Variants in ADAM20 observed in about 807,000 individuals in gnomAD.
ADAM20 encodes the protein ADAM metallopeptidase domain 20, also known as disintegrin and metalloproteinase domain-containing protein 20.
For missense variants in ADAM20, 871 were observed against 883.2 expected (o/e 0.99, Z 0.18); for synonymous variants, 305 against 310.2 (o/e 0.98, Z 0.18).
the ADAM20 span, among the ~76,000 whole-genome samples, chr14:70,571,507 G>T: frequency 6.6e-6 from 1 of 152,140 alleles, no homozygotes; most frequent in Non-Finnish European, 1.5e-5. Flanking sequence ...GCTGAACTGT[G>T]AGTCAATTAA....
chr14:70,554,984 C>A, the ADAM20 span, among the ~76,000 whole-genome samples: 2 of 152,134 alleles, frequency 1.3e-5, no homozygotes, highest in Admixed American at 1.3e-4. Context: ...CTAGAATATT[C>A]CATTGGTTGC....
At position 70,524,897 on chromosome 14, in the gene ADAM20, A is replaced by T; in HGVS notation, c.-140T>A. ...GATCTGGGGATCTGTGTCCTGGTGG[A>T]GCTGGACCATCAGAGCTGCAGTGCT... On this transcript the variant is annotated 5_prime_UTR_variant, in exon 2 of 2. Transcript: ENST00000256389. The T allele has an allele frequency of 6.2e-7, 1 of 1,608,468 alleles. No homozygotes were observed. The highest frequency in any genetic ancestry group is 8.5e-7 in the Non-Finnish European group (1 of 1,177,484).
rs528756173 is a variant in ADAM20, at chr14:70,529,923, ACTT to A, written c.-177+4871_-177+4873del. 1.7e-4 allele frequency among the ~76,000 whole-genome samples: 26 copies of A among 152,324 alleles called. 1 individual carries two copies. The highest frequency in any genetic ancestry group is 5.5e-4 in the African/African-American group (23 of 41,588). Reference sequence around the variant, plus strand: ...TACTTTATATACTTTTAATTTTTCAACTTCTTGACTGTTTTGTAATAACACTTA... The same window carrying A: ...TACTTTATATACTTTTAATTTTTCAACTTGACTGTTTTGTAATAACACTTA... On this transcript the variant is annotated intron_variant, in intron 1 of 1. Coordinates refer to ENST00000256389, the MANE Select transcript of ADAM20 (RefSeq NM_003814.5).
chr14:70,534,440 CA>C (rs1452563122), intron 1 of ADAM20, among the ~76,000 whole-genome samples: 1 of 151,622 alleles, frequency 6.6e-6, no homozygotes, highest in East Asian at 1.9e-4. Context: ...TTACAATAAC[CA>C]AAAGGTGGAA....
chr14:70,553,041 C>A, the ADAM20 span, among the ~76,000 whole-genome samples: 1 of 34,652 alleles, frequency 2.9e-5, no homozygotes, highest in African/African-American at 1.2e-4. Context: ...CCATCATTCT[C>A]AGTAAACTAT....
intron 1 of ADAM20, among the ~76,000 whole-genome samples, chr14:70,528,470 GATTAT>G (rs1176982799): frequency 2.6e-5 from 4 of 152,056 alleles, no homozygotes; most frequent in Non-Finnish European, 5.9e-5. Flanking sequence ...TTCTTTTCAT[GATTAT>G]ATTAATCACT....
At chr14:70,532,231 A>G (rs7150080) in intron 1 of ADAM20, among the ~76,000 whole-genome samples, 5,234 of 152,206 alleles carry the variant, frequency 0.034, 297 homozygotes, top group African/African-American at 0.12. Flanking sequence ...ACAATGGGGG[A>G]AAAATAGTCT....
At chr14:70,553,579 A>G in the ADAM20 span, among the ~76,000 whole-genome samples, 1 of 151,036 alleles carries the variant, frequency 6.6e-6, no homozygotes, top group Non-Finnish European at 1.5e-5. Flanking sequence ...GCATATTAAA[A>G]TGATCATTCA....
the ADAM20 span, among the ~76,000 whole-genome samples, chr14:70,563,338 A>G: frequency 6.6e-6 from 1 of 152,150 alleles, no homozygotes; most frequent in African/African-American, 2.4e-5. Context: ...TAGGGGAAAA[A>G]AAGTAGATGT....
At chr14:70,537,328 A>G (rs1035473639), upstream of ADAM20, among the ~76,000 whole-genome samples, 14 of 152,126 alleles carry the variant, frequency 9.2e-5, no homozygotes, top group Non-Finnish European at 1.5e-4. Flanking sequence ...CATAACAGGT[A>G]TTTCGCTTTC....
intron 1 of ADAM20, among the ~76,000 whole-genome samples, chr14:70,526,784 C>A (rs1883599711): frequency 6.6e-6 from 1 of 152,102 alleles, no homozygotes; most frequent in African/African-American, 2.4e-5. Context: ...GAGAATCTTC[C>A]TCTGCATCAG....
chr14:70,568,068 T>C, the ADAM20 span, among the ~76,000 whole-genome samples: 1 of 152,132 alleles, frequency 6.6e-6, no homozygotes, highest in South Asian at 2.1e-4. Flanking sequence ...CTCCATCTAC[T>C]GGACTACAGC....
chr14:70,529,573 T>A (rs1240586373), intron 1 of ADAM20, among the ~76,000 whole-genome samples: 1 of 152,220 alleles, frequency 6.6e-6, no homozygotes, highest in Non-Finnish European at 1.5e-5. Context: ...CTGTACAGCA[T>A]GCTACTATAC....
chr14:70,527,958 T>C (rs963291232), intron 1 of ADAM20, among the ~76,000 whole-genome samples: 1 of 152,228 alleles, frequency 6.6e-6, no homozygotes, highest in Non-Finnish European at 1.5e-5. Context: ...TATCCTTCAA[T>C]GTTTAGATTA....
the ADAM20 span, among the ~76,000 whole-genome samples, chr14:70,555,611 T>A: frequency 2.6e-5 from 4 of 152,112 alleles, no homozygotes; most frequent in African/African-American, 9.7e-5. Flanking sequence ...AACAACTTAT[T>A]GAAAATTTAG....
intron 1 of ADAM20, among the ~76,000 whole-genome samples, chr14:70,530,608 C>T (rs1275125803): frequency 6.6e-6 from 1 of 152,078 alleles, no homozygotes; most frequent in Non-Finnish European, 1.5e-5. Context: ...CATTAGATGG[C>T]TACAAAGTCA....
the ADAM20 span, among the ~76,000 whole-genome samples, chr14:70,570,533 A>G: frequency 6.6e-6 from 1 of 152,212 alleles, no homozygotes; most frequent in Non-Finnish European, 1.5e-5. Flanking sequence ...AGAAATGGAT[A>G]TATTCCTGGA....
chr14:70,524,021 T>A lies in ADAM20; in HGVS notation c.737A>T (p.His246Leu). 1 of 1,613,960 alleles carries A rather than the reference T, an allele frequency of 6.2e-7. No homozygotes were observed. The highest frequency in any genetic ancestry group is 1.7e-4 in the Middle Eastern group (1 of 6,058). ...NVVNIVDSFY[H>L]PLEVDVILTG... The stretch of plus-strand genomic sequence containing the variant: ...CAAAATTACATCAACCTCCAAAGGA[T>A]GATAGAAGGAATCCACTATATTGAC... The change falls in exon 2 of 2, where the codon CAT becomes CTT. Residue 246 changes from histidine to leucine, a missense_variant. Physicochemically the swap from His to Leu is moderately conservative, Grantham distance 99. Coordinates refer to ENST00000256389, the MANE Select transcript of ADAM20 (RefSeq NM_003814.5).
intron 1 of ADAM20, among the ~76,000 whole-genome samples, chr14:70,532,402 A>G (rs1883732408): frequency 6.6e-6 from 1 of 152,158 alleles, no homozygotes; most frequent in Non-Finnish European, 1.5e-5. Context: ...TCTTCACAGC[A>G]TTTGTTTTTG....
Sources: allele counts gnomAD v4.1 joint callset (sites outside exome capture counted in the v4.1 genomes callset), GRCh38; gene constraint gnomAD v4.1.1; transcripts MANE v1.5; gene names NCBI Gene and HGNC (gene_info 2026-07-23, HGNC 2026-07-21).